The following SENP7 variants were observed in gnomAD, a reference collection of about 807,000 sequenced individuals.
SENP7 encodes SUMO specific peptidase 7.
SENP7 carries 64 observed loss-of-function variants against 141.2 expected under a neutral mutation model. The observed-to-expected ratio is 0.45, with a 90% confidence interval of 0.37 to 0.56. SENP7 has a LOEUF of 0.56. SENP7 is among the 20% of genes least tolerant of loss of function. SENP7 has a pLI of 0.00. For synonymous variants in SENP7, 382 were observed against 426.4 expected (o/e 0.90, Z 1.28); for missense variants, 1,025 against 1,212.2 (o/e 0.85, Z 2.29).
chr3:101,333,273 G>T lies in SENP7; in HGVS notation c.2481-411C>A, dbSNP rs1576807284. On this transcript the variant is annotated intron_variant, in intron 17 of 23. Coordinates refer to ENST00000394095, the MANE Select transcript of SENP7 (RefSeq NM_020654.5). ...TTTAAAACTCAATGGGCTGAGTGTG[G>T]TGGCTCATGCCTGTGATTCCAGCTA... 3 of 159,438 alleles carry T rather than the reference G, an allele frequency of 1.9e-5. No homozygotes were observed. The East Asian group carries it at 5.4e-4, about 28-fold the overall frequency. The allele number at this position is 159,438 out of a possible 1,614,324, so 9.9% of individuals were successfully genotyped here.
At chr3:101,461,206 C>G (rs1354608189) in intron 3 of SENP7, among the ~76,000 whole-genome samples, 1 of 152,022 alleles carries the variant, frequency 6.6e-6, no homozygotes, top group African/African-American at 2.4e-5. Flanking sequence ...GGAAAGATAA[C>G]TCCACGGTCA....
At chr3:101,446,080 C>G (rs957065975) in intron 4 of SENP7, among the ~76,000 whole-genome samples, 8 of 152,224 alleles carry the variant, frequency 5.3e-5, no homozygotes, top group Admixed American at 4.6e-4. Context: ...TTGATGTTCT[C>G]CTAATAGTGA....
At chr3:101,498,477 C>T (rs1050475346) in intron 2 of SENP7, among the ~76,000 whole-genome samples, 3 of 152,084 alleles carry the variant, frequency 2.0e-5, no homozygotes, top group Non-Finnish European at 4.4e-5. Context: ...CTTGAGAAAC[C>T]TGAAACAAAC....
intron 4 of SENP7, among the ~76,000 whole-genome samples, chr3:101,423,531 C>T (rs1223800728): frequency 6.6e-6 from 1 of 152,034 alleles, no homozygotes; most frequent in African/African-American, 2.4e-5. Flanking sequence ...ACCATATGAC[C>T]CAGCAATCCA....
Position 101,331,905 on chromosome 3 carries a change from C to T in SENP7, c.2698+80G>A, listed in dbSNP as rs1235541435. On this transcript the variant is annotated intron_variant, in intron 19 of 23. Coordinates refer to ENST00000394095, the MANE Select transcript of SENP7 (RefSeq NM_020654.5). The stretch of plus-strand genomic sequence containing the variant: ...TAATGATAGTAAATAACTATACTAC[C>T]GTTAACTTCATTTTCTTCCCTGTAA... 11 of 1,420,988 alleles carry T rather than the reference C, an allele frequency of 7.7e-6. 1 individual carries two copies. The highest frequency in any genetic ancestry group is 2.8e-5 in the African/African-American group (2 of 70,478). 88.0% of individuals were successfully genotyped at this position (1,420,988 alleles called of 1,614,324 possible). A position where few individuals can be genotyped will look rare whatever the true frequency, so the allele number is the denominator to read the frequency against.
chr3:101,378,609 G>GA (rs1337845885), intron 6 of SENP7, among the ~76,000 whole-genome samples: 1 of 152,048 alleles, frequency 6.6e-6, no homozygotes, highest in East Asian at 1.9e-4. Flanking sequence ...ATCATAAGAA[G>GA]AAAGAGGTAA....
intron 6 of SENP7, among the ~76,000 whole-genome samples, chr3:101,390,880 A>G (rs2060798724): frequency 6.6e-6 from 1 of 152,240 alleles, no homozygotes. Flanking sequence ...ACTTTTTAAA[A>G]ATCAAAATCA....
At chr3:101,462,273 G>A (rs1016051340) in intron 3 of SENP7, among the ~76,000 whole-genome samples, 2 of 152,136 alleles carry the variant, frequency 1.3e-5, no homozygotes, top group African/African-American at 4.8e-5. Flanking sequence ...AGAATACAGT[G>A]GCTCACACCT....
At chr3:101,370,037 T>A (rs997167395) in intron 7 of SENP7, among the ~76,000 whole-genome samples, 2 of 152,192 alleles carry the variant, frequency 1.3e-5, no homozygotes, top group Non-Finnish European at 2.9e-5. Context: ...TACAGGTTTT[T>A]AAAAAATAAC....
At chr3:101,359,480 C>G (rs1003349804) in intron 11 of SENP7, among the ~76,000 whole-genome samples, 6 of 151,378 alleles carry the variant, frequency 4.0e-5, no homozygotes, top group Non-Finnish European at 1.5e-5. Context: ...AATGTACTTT[C>G]TTTCTTTCTC....
intron 4 of SENP7, 55 bp from the exon 5 acceptor site, chr3:101,417,845 G>A: frequency 7.5e-7 from 1 of 1,325,578 alleles, no homozygotes; most frequent in South Asian, 1.2e-5. Flanking sequence ...TAGAATACAT[G>A]AATTCATCAC....
At chr3:101,371,169 G>A (rs541299684) in intron 7 of SENP7, among the ~76,000 whole-genome samples, 12 of 152,104 alleles carry the variant, frequency 7.9e-5, no homozygotes, top group African/African-American at 2.7e-4. Flanking sequence ...CATGACTATA[G>A]TCTCAACTAC....
intron 6 of SENP7, among the ~76,000 whole-genome samples, chr3:101,384,108 A>G (rs1198817637): frequency 6.6e-6 from 1 of 152,212 alleles, no homozygotes; most frequent in African/African-American, 2.4e-5. Context: ...CTCAGCTGAG[A>G]GCTGTATACT....
intron 11 of SENP7, among the ~76,000 whole-genome samples, chr3:101,354,450 CTTT>C (rs1431556225): frequency 6.6e-6 from 1 of 152,030 alleles, no homozygotes; most frequent in Non-Finnish European, 1.5e-5. Flanking sequence ...TTACTCCCTT[CTTT>C]GTGTCCATGA....
intron 4 of SENP7, among the ~76,000 whole-genome samples, chr3:101,440,767 T>G (rs1403399527): frequency 6.6e-6 from 1 of 151,950 alleles, no homozygotes; most frequent in Admixed American, 6.6e-5. Flanking sequence ...ATAAACATCC[T>G]CAAGAAAACT....
rs537398193 is a variant in SENP7, at chr3:101,477,573, G to A, written c.186+16300C>T. 7.9e-5 allele frequency among the ~76,000 whole-genome samples: 12 copies of A among 152,174 alleles called. No individual in the cohort carries two copies. The East Asian group carries it at 9.6e-4, about 12-fold the overall frequency. ...GCCAAAACAAAATTAGTAAATGGCC[G>A]GACATGGTAGCTCATGCCTGTGATC... On this transcript the variant is annotated intron_variant, in intron 3 of 23. Coordinates refer to ENST00000394095, the MANE Select transcript of SENP7 (RefSeq NM_020654.5).
chr3:101,341,073 T>G (rs1487032055), intron 15 of SENP7, among the ~76,000 whole-genome samples: 3 of 152,236 alleles, frequency 2.0e-5, no homozygotes, highest in Non-Finnish European at 4.4e-5. Flanking sequence ...AGTGCTAATA[T>G]GATAGTTTCT....
intron 23 of SENP7, among the ~76,000 whole-genome samples, chr3:101,327,133 A>G (rs473702): frequency 0.32 from 48,149 of 151,838 alleles, 8,169 homozygotes; most frequent in Non-Finnish European, 0.38. Flanking sequence ...TTATCTGCCA[A>G]TTACAGTATC....
intron 3 of SENP7, among the ~76,000 whole-genome samples, chr3:101,490,185 C>CA (rs1240994247): frequency 3.7e-4 from 28 of 74,910 alleles, no homozygotes; most frequent in East Asian, 1.1e-3. Flanking sequence ...AACTCCGTCT[C>CA]AAAAAAAAAA....
Sources: allele counts gnomAD v4.1 joint callset (sites outside exome capture counted in the v4.1 genomes callset), GRCh38; gene constraint gnomAD v4.1.1; transcripts MANE v1.5; gene names NCBI Gene and HGNC (gene_info 2026-07-23, HGNC 2026-07-21).